HCK: variants seen among roughly 807,000 people sequenced by gnomAD.
HCK encodes the protein HCK proto-oncogene, Src family tyrosine kinase.
HCK carries 40 observed loss-of-function variants against 70.4 expected under a neutral mutation model. That is an observed-to-expected ratio of 0.57 (90% confidence interval 0.44 to 0.74). The LOEUF is 0.74. Ranked by LOEUF, HCK falls within the 30% of genes least tolerant of loss-of-function variation. The pLI, the probability that HCK is intolerant of heterozygous loss-of-function variation, is 0.00. For missense variants in HCK, 568 were observed against 697.2 expected (o/e 0.81, Z 2.09); for synonymous variants, 245 against 263.2 (o/e 0.93, Z 0.67).
At chr20:32,094,785 AAGAGAAAGAAAG>A in intron 11 of HCK, among the ~76,000 whole-genome samples, 1 of 74,780 alleles carries the variant, frequency 1.3e-5, no homozygotes, top group Non-Finnish European at 2.5e-5. Flanking sequence ...AAGAGAGAGA[AAGAGAAAGAAAG>A]AAAGAAAGAA....
At chr20:32,077,746 G>C (rs1302180647) in intron 5 of HCK, among the ~76,000 whole-genome samples, 1 of 152,118 alleles carries the variant, frequency 6.6e-6, no homozygotes, top group Non-Finnish European at 1.5e-5. Context: ...GGCTGGTCTC[G>C]AACTCCTGAA....
chr20:32,091,991 AAAG>A (rs1435829893), intron 10 of HCK, among the ~76,000 whole-genome samples: 2 of 151,810 alleles, frequency 1.3e-5, no homozygotes, highest in Admixed American at 6.6e-5. Flanking sequence ...AGAAAAAAAA[AAAG>A]AAGAAAGAAA....
At chr20:32,087,044 G>C (rs1172398332) in intron 9 of HCK, among the ~76,000 whole-genome samples, 1 of 152,226 alleles carries the variant, frequency 6.6e-6, no homozygotes. Context: ...CCAGGAGAAG[G>C]GAATGGGGCC....
intron 10 of HCK, among the ~76,000 whole-genome samples, chr20:32,089,932 TC>T (rs1569002713): frequency 2.0e-5 from 3 of 152,222 alleles, no homozygotes; most frequent in African/African-American, 7.2e-5. Flanking sequence ...TTCAGCCTAC[TC>T]AGCAGGAGCC....
intron 4 of HCK, 80 bp downstream of exon 4, chr20:32,073,898 A>G: frequency 1.3e-6 from 1 of 787,738 alleles, no homozygotes; most frequent in South Asian, 1.5e-5. Context: ...TCCATAAAGA[A>G]CCTGATAGAT....
intron 1 of HCK, among the ~76,000 whole-genome samples, chr20:32,068,023 G>A (rs1006604247): frequency 2.6e-5 from 4 of 152,020 alleles, no homozygotes; most frequent in Admixed American, 1.3e-4. Context: ...TAGGCCAGGC[G>A]CAGTGGCTCA....
chr20:32,065,821 G>C (rs1428616855), intron 1 of HCK, among the ~76,000 whole-genome samples: 1 of 152,218 alleles, frequency 6.6e-6, no homozygotes, highest in Non-Finnish European at 1.5e-5. Flanking sequence ...CATGCACTAA[G>C]TGGGAGAAAG....
At chr20:32,074,554 TG>T in intron 4 of HCK, 68 bp from the exon 5 acceptor site, 2 of 1,172,382 alleles carry the variant, frequency 1.7e-6, no homozygotes, top group Non-Finnish European at 2.6e-6. Flanking sequence ...AGGTCAAGGC[TG>T]GGGAGCTTGA....
intron 11 of HCK, 85 bp from the exon 12 acceptor site, chr20:32,098,919 T>G: frequency 6.8e-7 from 1 of 1,475,202 alleles, no homozygotes; most frequent in Non-Finnish European, 9.3e-7. Flanking sequence ...TGGCAGCTCT[T>G]GCCCTTGCCT....
intron 4 of HCK, 39 bp from the exon 5 acceptor site, chr20:32,074,584 C>T: frequency 6.9e-7 from 1 of 1,446,858 alleles, no homozygotes; most frequent in African/African-American, 1.4e-5. Context: ...GAGAATGATC[C>T]TTCTGTCCCT....
chr20:32,073,153 TA>T (rs1203445998), intron 2 of HCK, among the ~76,000 whole-genome samples, 165 bp from the exon 3 acceptor site: 1 of 152,202 alleles, frequency 6.6e-6, no homozygotes, highest in African/African-American at 2.4e-5. Context: ...GCTCTGCCCC[TA>T]ATGTGCCGTG....
At chr20:32,094,684 CAAAAG>C (rs1191674961) in intron 11 of HCK, among the ~76,000 whole-genome samples, 84 of 100,996 alleles carry the variant, frequency 8.3e-4, no homozygotes, top group African/African-American at 9.8e-4. Context: ...AAGATCTTGT[CAAAAG>C]AAAAGAAAAG....
At chr20:32,054,971 T>C (rs2045247528) in intron 1 of HCK, among the ~76,000 whole-genome samples, 1 of 151,672 alleles carries the variant, frequency 6.6e-6, no homozygotes, top group Non-Finnish European at 1.5e-5. Context: ...CCAGCTGCTG[T>C]GGAGTATCCC....
At chr20:32,098,184 A>G (rs1280070697) in intron 11 of HCK, among the ~76,000 whole-genome samples, 1 of 152,068 alleles carries the variant, frequency 6.6e-6, no homozygotes, top group Non-Finnish European at 1.5e-5. Context: ...CTGGAACTAC[A>G]GGCACCTGCC....
intron 1 of HCK, among the ~76,000 whole-genome samples, chr20:32,064,842 G>T (rs140130723): frequency 1.3e-5 from 2 of 152,346 alleles, no homozygotes; most frequent in East Asian, 3.9e-4. Context: ...CTCAGCAGAG[G>T]CTGAGGCGGT....
rs200693880 is a variant in HCK, at chr20:32,084,377, G to C, written c.683-14G>C. The C allele has an allele frequency of 6.2e-7, 1 of 1,607,480 alleles. No homozygotes were observed. The highest frequency in any genetic ancestry group is 1.3e-5 in the African/African-American group (1 of 74,672). ...GTGCTTGTTGCTCTCAATTGACCAG[G>C]GACTCTGTTCCAGAGGGGAACGACG... is the stretch of plus-strand genomic sequence containing the variant. On this transcript the variant is annotated splice_polypyrimidine_tract_variant and intron_variant, in intron 7 of 12. Coordinates refer to ENST00000375852, the MANE Select transcript of HCK (RefSeq NM_002110.5).
chr20:32,071,060 T>G (rs1344911350), intron 1 of HCK, among the ~76,000 whole-genome samples: 1 of 152,128 alleles, frequency 6.6e-6, no homozygotes, highest in Admixed American at 6.6e-5. Context: ...CAAACTAGAT[T>G]GTTTGAGCCA....
At chr20:32,077,009 G>T (rs559681014) in intron 5 of HCK, among the ~76,000 whole-genome samples, 1 of 152,046 alleles carries the variant, frequency 6.6e-6, no homozygotes, top group Non-Finnish European at 1.5e-5. Context: ...TGCTTGATCT[G>T]GGAGGCAGAG....
chr20:32,064,967 G>A (rs187805966), intron 1 of HCK, among the ~76,000 whole-genome samples: 6 of 152,366 alleles, frequency 3.9e-5, no homozygotes, highest in East Asian at 1.9e-4. Context: ...CTCTCAGAGC[G>A]TGCTTTTGAA....
Sources: allele counts gnomAD v4.1 joint callset (sites outside exome capture counted in the v4.1 genomes callset), GRCh38; gene constraint gnomAD v4.1.1; transcripts MANE v1.5; gene names NCBI Gene and HGNC (gene_info 2026-07-23, HGNC 2026-07-21).